The following CNTLN variants were observed in gnomAD, a reference collection of about 807,000 sequenced individuals.
CNTLN encodes centlein, centrosomal protein.
CNTLN carries 212 observed loss-of-function variants against 180.0 expected under a neutral mutation model. The ratio of observed to expected loss-of-function variants is 1.18; its 90% CI spans 1.05 to 1.32. CNTLN has a LOEUF of 1.32. Among genes scored for constraint, CNTLN ranks in the 40% most tolerant of loss-of-function variants. The pLI is 0.00. For synonymous variants in CNTLN, 722 were observed against 563.1 expected (o/e 1.28, Z -3.99); for missense variants, 2,095 against 1,610.9 (o/e 1.30, Z -5.14).
intron 8 of CNTLN, among the ~76,000 whole-genome samples, chr9:17,312,324 C>T (rs1819186578): frequency 7.9e-6 from 1 of 126,892 alleles, no homozygotes; most frequent in South Asian, 2.8e-4. Flanking sequence ...ACAGGTAGTA[C>T]TCGATAAGAT....
chr9:17,478,230 C>A (rs1038237030), intron 23 of CNTLN, among the ~76,000 whole-genome samples: 1 of 152,190 alleles, frequency 6.6e-6, no homozygotes, highest in Non-Finnish European at 1.5e-5. Flanking sequence ...GTATGACTCA[C>A]TTTATTGTGA....
intron 8 of CNTLN, among the ~76,000 whole-genome samples, chr9:17,316,642 T>A (rs925931215): frequency 2.6e-5 from 4 of 152,122 alleles, no homozygotes; most frequent in African/African-American, 4.8e-5. Context: ...AGTCAAGGGC[T>A]GTCTGTATTG....
At chr9:17,493,325 A>T (rs1333246014) in intron 25 of CNTLN, among the ~76,000 whole-genome samples, 1 of 152,168 alleles carries the variant, frequency 6.6e-6, no homozygotes, top group Non-Finnish European at 1.5e-5. Flanking sequence ...CATTTCCATT[A>T]TGATTTCCAA....
intron 6 of CNTLN, among the ~76,000 whole-genome samples, chr9:17,291,749 C>G (rs971040389): frequency 3.3e-5 from 5 of 152,170 alleles, no homozygotes; most frequent in African/African-American, 4.8e-5. Context: ...TGAGTCTTGA[C>G]TCTTTATCCA....
chr9:17,176,458 G>A (rs1236007007), intron 2 of CNTLN, among the ~76,000 whole-genome samples: 1 of 152,142 alleles, frequency 6.6e-6, no homozygotes, highest in Non-Finnish European at 1.5e-5. Flanking sequence ...TGGTCGTGGA[G>A]TACAATTATA....
At chr9:17,257,940 T>C (rs1185555428) in intron 5 of CNTLN, among the ~76,000 whole-genome samples, 1,376 of 131,110 alleles carry the variant, frequency 0.01, no homozygotes, top group South Asian at 0.049. Context: ...CTGTTCACTC[T>C]GATGGTAGTT....
chr9:17,251,911 A>T (rs1042624784), intron 5 of CNTLN, among the ~76,000 whole-genome samples: 8 of 151,784 alleles, frequency 5.3e-5, no homozygotes, highest in African/African-American at 1.9e-4. Flanking sequence ...CCTTCCTAGT[A>T]TATGGTATCT....
chr9:17,444,579 C>T (rs1012943563), intron 18 of CNTLN, among the ~76,000 whole-genome samples: 1 of 152,158 alleles, frequency 6.6e-6, no homozygotes, highest in African/African-American at 2.4e-5. Flanking sequence ...GTAGTATGTA[C>T]TATTTGAGAA....
intron 3 of CNTLN, among the ~76,000 whole-genome samples, chr9:17,235,427 A>G (rs573354861): frequency 6.6e-6 from 1 of 152,248 alleles, no homozygotes; most frequent in Admixed American, 6.5e-5. Context: ...GTATGATTTA[A>G]TATTTAATAT....
intron 5 of CNTLN, among the ~76,000 whole-genome samples, chr9:17,261,826 T>G (rs542463406): frequency 1.3e-5 from 2 of 151,558 alleles, no homozygotes; most frequent in South Asian, 4.1e-4. Context: ...ATGTTTGCAA[T>G]CTACCATTCT....
chr9:17,417,060 G>C (rs1390887143), intron 18 of CNTLN, among the ~76,000 whole-genome samples: 1 of 152,032 alleles, frequency 6.6e-6, no homozygotes, highest in East Asian at 1.9e-4. Flanking sequence ...TATTCCCAGA[G>C]TAGCCTTATA....
rs112473498 is a variant in CNTLN at position 17,380,249 on chromosome 9, T to A, written c.1988-7913T>A. Reference sequence around the variant, plus strand: ...AGACCTGAGGCATTGGGGGAGGGTATGGGAGGATGGTTGGGAGAGGAAAAG... The same window carrying A: ...AGACCTGAGGCATTGGGGGAGGGTAAGGGAGGATGGTTGGGAGAGGAAAAG... On this transcript the variant is annotated intron_variant, in intron 13 of 25. Coordinates refer to ENST00000380647, the MANE Select transcript of CNTLN (RefSeq NM_017738.4). 4.9e-4 allele frequency among the ~76,000 whole-genome samples: 74 copies of A among 152,202 alleles called. 2 individuals are homozygous for A. The highest frequency in any genetic ancestry group is 1.7e-3 in the African/African-American group (70 of 41,544).
chr9:17,432,503 A>C (rs1051330207), intron 18 of CNTLN, among the ~76,000 whole-genome samples: 3 of 152,192 alleles, frequency 2.0e-5, no homozygotes, highest in Non-Finnish European at 4.4e-5. Context: ...AAAAACACAG[A>C]AGATATATGA....
intron 5 of CNTLN, among the ~76,000 whole-genome samples, chr9:17,256,024 C>T (rs1826464461): frequency 6.6e-6 from 1 of 151,912 alleles, no homozygotes; most frequent in African/African-American, 2.4e-5. Flanking sequence ...TCTTAGTTTT[C>T]CATTTCTGCA....
chr9:17,301,259 G>A (rs634383), intron 7 of CNTLN: 145,489 of 985,038 alleles, frequency 0.15, 12,443 homozygotes, highest in African/African-American at 0.35. Context: ...CGAACTTGCC[G>A]TAACCTAAAT....
intron 25 of CNTLN, among the ~76,000 whole-genome samples, chr9:17,501,726 G>T (rs1056273662): frequency 6.6e-6 from 1 of 152,174 alleles, no homozygotes; most frequent in Non-Finnish European, 1.5e-5. Context: ...ACAAGTCCAA[G>T]AAATGACTTA....
intron 2 of CNTLN, among the ~76,000 whole-genome samples, chr9:17,161,202 G>A (rs573027865): frequency 2.0e-5 from 3 of 151,810 alleles, no homozygotes; most frequent in Non-Finnish European, 4.4e-5. Context: ...TTTATAGTAT[G>A]ATTTTATTCT....
At chr9:17,207,131 C>A (rs922531158) in intron 2 of CNTLN, among the ~76,000 whole-genome samples, 5 of 152,196 alleles carry the variant, frequency 3.3e-5, no homozygotes, top group Admixed American at 1.3e-4. Context: ...CCTCCATAGT[C>A]TGGTGAGTAT....
In CNTLN at chr9:17,390,235, C is replaced by CTTTTTTTTTTTTTTTTTTTTTTT. The variant is rs35329298; in HGVS notation, c.2079+2003_2079+2004insTTTTTTTTTTTTTTTTTTTTTTT. ...TGTATTTCAGTTTTGAAAAGAGCCTCTTTTTTTTTTTTTTTTTTTTTGGAG... is the reference window on the plus strand; with the variant it reads ...TGTATTTCAGTTTTGAAAAGAGCCTCTTTTTTTTTTTTTTTTTTTTTTTTTTTTTTTTTTTTTTTTTTTTGGAG... On this transcript the variant is annotated intron_variant, in intron 14 of 25. Coordinates refer to ENST00000380647, the MANE Select transcript of CNTLN (RefSeq NM_017738.4). Among the ~76,000 whole-genome samples the CTTTTTTTTTTTTTTTTTTTTTTT allele has an allele frequency of 2.6e-5, 2 of 77,396 alleles. 1 individual carries two copies. The highest frequency in any genetic ancestry group is 4.7e-5 in the Non-Finnish European group (2 of 42,742). 50.8% of individuals were successfully genotyped at this position (77,396 alleles called of 152,430 possible).
Sources: allele counts gnomAD v4.1 joint callset (sites outside exome capture counted in the v4.1 genomes callset), GRCh38; gene constraint gnomAD v4.1.1; transcripts MANE v1.5; gene names NCBI Gene and HGNC (gene_info 2026-07-23, HGNC 2026-07-21).